Variants in ACAD10 observed in about 807,000 individuals in gnomAD.
The protein encoded by ACAD10 is acyl-CoA dehydrogenase family member 10.
Under a neutral mutation model 116.8 loss-of-function variants are expected in ACAD10, and 112 were observed. The observed-to-expected ratio is 0.96, with a 90% CI of 0.82 to 1.12. The LOEUF is 1.12. Ranked by LOEUF, ACAD10 falls within the 50% of genes most tolerant of loss-of-function variation. ACAD10 has a pLI of 0.00. For missense variants in ACAD10, 1,259 were observed against 1,350.2 expected (o/e 0.93, Z 1.06); for synonymous variants, 486 against 510.6 (o/e 0.95, Z 0.65).
chr12:111,713,020 G>A (rs564305985), intron 6 of ACAD10, among the ~76,000 whole-genome samples: 2 of 152,182 alleles, frequency 1.3e-5, no homozygotes, highest in East Asian at 3.9e-4. Context: ...CGACTTAGAA[G>A]TTACATCGGC....
At chr12:111,723,092 C>T (rs1352998306) in intron 8 of ACAD10, among the ~76,000 whole-genome samples, 4 of 143,192 alleles carry the variant, frequency 2.8e-5, no homozygotes, top group Non-Finnish European at 4.6e-5. Context: ...TAGGGGCGGC[C>T]GGGCAGAGGC....
At chr12:111,723,880 G>A (rs1207883016) in intron 8 of ACAD10, among the ~76,000 whole-genome samples, 6 of 150,832 alleles carry the variant, frequency 4.0e-5, no homozygotes, top group African/African-American at 7.3e-5. Flanking sequence ...CAGGGCGGCC[G>A]GGCAGGGACG....
At position 111,734,149 on chromosome 12, in the gene ACAD10, G is replaced by A. The variant is rs112652295; in HGVS notation, c.1540+81G>A. On this transcript the variant is annotated intron_variant, in intron 11 of 20. Transcript: ENST00000313698. The stretch of plus-strand genomic sequence containing the variant: ...GGAGCAAACTCAGCTGAAGTAGTCC[G>A]TGATTGGGCGGGGGAAGTGAAAGTG... 59 of 1,589,618 alleles carry A rather than the reference G, an allele frequency of 3.7e-5. 2 individuals are homozygous for A. The highest frequency in any genetic ancestry group is 2.0e-4 in the African/African-American group (15 of 74,668).
chr12:111,690,280 A>C (rs1481868178), intron 1 of ACAD10, among the ~76,000 whole-genome samples: 1 of 152,124 alleles, frequency 6.6e-6, no homozygotes, highest in Admixed American at 6.6e-5. Flanking sequence ...AAATTCACTT[A>C]TATATATATG....
At position 111,747,082 on chromosome 12, in the gene ACAD10, A is replaced by T. The variant is rs748473787; in HGVS notation, c.2290A>T (p.Met764Leu). 6.2e-7 allele frequency: 1 copy of T among 1,612,022 alleles called. No homozygotes were observed. Among genetic ancestry groups the T allele is most frequent in the African/African-American group, 1.3e-5 (1 of 74,868 alleles). Residue 764 changes from methionine (M) to leucine (L), a missense_variant, in exon 15 of 21, where the codon ATG becomes TTG. Coordinates refer to ENST00000313698, the MANE Select transcript of ACAD10 (RefSeq NM_025247.6). ...CNCSAPDTGN[M>L]ELLVRYGTEA... ...CTGCTCTGCGCCTGACACGGGCAAC[A>T]TGGAGCTGCTGGTGAGGTATGGCAC...
intron 8 of ACAD10, among the ~76,000 whole-genome samples, chr12:111,722,934 G>A (rs1049407948): frequency 8.6e-5 from 13 of 152,026 alleles, no homozygotes; most frequent in Admixed American, 6.5e-5. Context: ...GCCGGGCAGA[G>A]GGGCTCCTCA....
chr12:111,745,250 G>A, intron 13 of ACAD10: 2 of 622,142 alleles, frequency 3.2e-6, no homozygotes, highest in South Asian at 2.3e-5. Flanking sequence ...ACAGGCAGAT[G>A]GCTCAGGTGT....
rs1274857213 is a variant in ACAD10, at chr12:111,725,409, A to G, written c.1062-2553A>G. On this transcript the variant is annotated intron_variant, in intron 8 of 20. Transcript: ENST00000313698. ...CCTGTAGTCCTACCTACTTACCCGGAAGATTGTGGTGGGAGGATCACCTGA... is the reference window on the plus strand; with the variant it reads ...CCTGTAGTCCTACCTACTTACCCGGGAGATTGTGGTGGGAGGATCACCTGA... Among the ~76,000 whole-genome samples, 4 of 152,046 alleles carry G rather than the reference A, an allele frequency of 2.6e-5. No homozygotes were observed. The East Asian group carries it at 5.8e-4, about 22-fold the overall frequency.
At position 111,721,700 on chromosome 12, in the gene ACAD10, T is replaced by G. The variant is rs1774333284; in HGVS notation, c.1022T>G (p.Val341Gly). 6.2e-7 allele frequency: 1 copy of G among 1,605,652 alleles called. No individual in the cohort carries two copies. Among genetic ancestry groups the G allele is most frequent in the Non-Finnish European group, 8.5e-7 (1 of 1,173,486 alleles). Residue 341 changes from valine (V) to glycine (G), a missense_variant, in exon 8 of 21, where the codon GTA becomes GGA. Transcript: ENST00000313698. ...ATGAAAGCCCTTGCAAATGCTGGAG[T>G]ACCTGTCCCTAACGTTCTTGATCTC... ...RIMKALANAG[V>G]PVPNVLDLCE...
intron 12 of ACAD10, among the ~76,000 whole-genome samples, chr12:111,744,259 A>C (rs942365174): frequency 6.6e-6 from 1 of 152,058 alleles, no homozygotes; most frequent in Admixed American, 6.6e-5. Flanking sequence ...GTGGTCTAGG[A>C]TGCAGGACTT....
At chr12:111,686,713 T>C (rs1887869341) in intron 1 of ACAD10, among the ~76,000 whole-genome samples, 1 of 152,076 alleles carries the variant, frequency 6.6e-6, no homozygotes, top group African/African-American at 2.4e-5. Flanking sequence ...CGAAACTCCG[T>C]CTCAAAAAAA....
chr12:111,750,899 A>G (rs1890056206), intron 18 of ACAD10, among the ~76,000 whole-genome samples: 1 of 152,174 alleles, frequency 6.6e-6, no homozygotes, highest in Admixed American at 6.5e-5. Flanking sequence ...TTACCGAGCA[A>G]ACCTGTGATT....
chr12:111,729,737 G>A, intron 9 of ACAD10, 69 bp from the exon 10 acceptor site: 1 of 1,568,714 alleles, frequency 6.4e-7, no homozygotes, highest in Non-Finnish European at 8.7e-7. Flanking sequence ...TCACTGCACT[G>A]GTTTTTTTTT....
chr12:111,709,068 A>T (rs1346245476), intron 4 of ACAD10, among the ~76,000 whole-genome samples: 1 of 151,998 alleles, frequency 6.6e-6, no homozygotes. Context: ...AAATGGCGAA[A>T]TGCTTTCCGT....
At chr12:111,721,553 G>A (rs1889013121) in intron 7 of ACAD10, 118 bp from the exon 8 acceptor site, 1 of 916,946 alleles carries the variant, frequency 1.1e-6, no homozygotes, top group South Asian at 1.7e-5. Context: ...GGGTAACAGA[G>A]CGAGACTGTG....
Position 111,733,796 on chromosome 12 carries a change from C to T in ACAD10, c.1395-127C>T, listed in dbSNP as rs927567009. 3 of 1,190,524 alleles carry T rather than the reference C, an allele frequency of 2.5e-6. 1 individual carries two copies. Among genetic ancestry groups the T allele is most frequent in the Middle Eastern group, 2.8e-4 (1 of 3,626 alleles). The allele number at this position is 1,190,524 out of a possible 1,614,324, so 73.7% of individuals were successfully genotyped here. ...TTTGGAGCACACAGCCCAGGGAGCT[C>T]AGGCACCCGGGCACAGAGGGGATGG... On this transcript the variant is annotated intron_variant, in intron 10 of 20. Coordinates refer to ENST00000313698, the MANE Select transcript of ACAD10 (RefSeq NM_025247.6).
At position 111,746,130 on chromosome 12, in the gene ACAD10, T is replaced by G; in HGVS notation, c.2116-14T>G. 6.2e-7 allele frequency: 1 copy of G among 1,602,884 alleles called. No individual in the cohort carries two copies. The highest frequency in any genetic ancestry group is 8.5e-7 in the Non-Finnish European group (1 of 1,177,498). Reference sequence around the variant, plus strand: ...CTTCCACTGTGGTTTCCTGACTTATTTTCCCCATGATAGGAGAAAGCCAAA... The same window carrying G: ...CTTCCACTGTGGTTTCCTGACTTATGTTCCCCATGATAGGAGAAAGCCAAA... On this transcript the variant is annotated splice_polypyrimidine_tract_variant and intron_variant, in intron 13 of 20. Coordinates refer to ENST00000313698, the MANE Select transcript of ACAD10 (RefSeq NM_025247.6).
chr12:111,753,991 G>T (rs1890142278), intron 19 of ACAD10, 76 bp downstream of exon 19: 3 of 1,489,168 alleles, frequency 2.0e-6, no homozygotes, highest in African/African-American at 1.4e-5. Flanking sequence ...TGAGAGCCTG[G>T]CTTCTTGACA....
At chr12:111,717,161 A>G (rs1888868217) in intron 7 of ACAD10, among the ~76,000 whole-genome samples, 1 of 152,120 alleles carries the variant, frequency 6.6e-6, no homozygotes, top group Non-Finnish European at 1.5e-5. Context: ...GTTCGAGCCC[A>G]GCCTGGGCAA....
Sources: gnomAD v4.1 joint callset for allele counts (sites outside exome capture counted in the v4.1 genomes callset) on GRCh38, gnomAD v4.1.1 for gene constraint, MANE v1.5 for transcripts, NCBI Gene and HGNC (gene_info 2026-07-23, HGNC 2026-07-21) for gene names.